The following TRIP12 variants were observed in gnomAD, a reference collection of about 807,000 sequenced individuals.
TRIP12 encodes the protein thyroid hormone receptor interactor 12.
In TRIP12, 25 loss-of-function variants were observed where a neutral mutation model predicts 244.2. That is an observed-to-expected ratio of 0.10 (90% CI 0.07 to 0.14). The LOEUF (loss-of-function observed/expected upper bound fraction) is 0.14, where lower values mean the gene tolerates loss of function less well. Among genes scored for constraint, TRIP12 ranks in the 10% least tolerant of loss-of-function variants. TRIP12 has a pLI of 1.00. For synonymous variants in TRIP12, 905 were observed against 873.1 expected (o/e 1.04, Z -0.64); for missense variants, 1,677 against 2,486.4 (o/e 0.67, Z 6.92).
At chr2:229,827,944 T>C (rs1005677384) in intron 8 of TRIP12, among the ~76,000 whole-genome samples, 5 of 152,208 alleles carry the variant, frequency 3.3e-5, no homozygotes, top group African/African-American at 9.7e-5. Flanking sequence ...TGGACTCCCC[T>C]GGCTCTAAAT....
chr2:229,777,328 T>C lies in TRIP12; in HGVS notation c.5516A>G (p.Gln1839Arg). The C allele has an allele frequency of 3.1e-6, 5 of 1,612,950 alleles. No individual in the cohort carries two copies. The highest frequency in any genetic ancestry group is 4.2e-6 in the Non-Finnish European group (5 of 1,179,142). Residue 1839 changes from glutamine (Q) to arginine (R), a missense_variant, in exon 37 of 42, where the codon CAA (glutamine) becomes CGA (arginine). Physicochemically the swap from Gln to Arg is conservative, Grantham distance 43. Transcript: ENST00000675903. The stretch of plus-strand genomic sequence containing the variant: ...TTCTAAGCCTACCTGGGATTTATCT[T>C]GTTCAAGTCTTTTCTTCTGTCTGAC... ...DIVRQKKRLEQDKSQTKESLQ... is the reference protein window; with the variant it reads ...DIVRQKKRLERDKSQTKESLQ...
chr2:229,869,836 G>T (rs1022524362), intron 2 of TRIP12, among the ~76,000 whole-genome samples: 2 of 152,122 alleles, frequency 1.3e-5, no homozygotes, highest in Admixed American at 1.3e-4. Context: ...AACTACTAAC[G>T]AATTTAAACT....
At position 229,879,028 on chromosome 2, in the gene TRIP12, G is replaced by A. The variant is rs965687265; in HGVS notation, c.98+954C>T. Among the ~76,000 whole-genome samples, 15 of 152,232 alleles carry A rather than the reference G, an allele frequency of 9.9e-5. No individual in the cohort carries two copies. In the South Asian group the frequency reaches 3.1e-3, roughly 32 times the overall value. ...AGCACTTTGGGAGGCCGAGGCGGGTGAATCGCTTGAGGTCAGGAGTTTGAG... is the reference window on the plus strand; with the variant it reads ...AGCACTTTGGGAGGCCGAGGCGGGTAAATCGCTTGAGGTCAGGAGTTTGAG... On this transcript the variant is annotated intron_variant, in intron 2 of 41. Transcript: ENST00000675903.
intron 21 of TRIP12, 127 bp from the exon 22 acceptor site, chr2:229,799,510 C>G: frequency 1.3e-6 from 1 of 786,564 alleles, no homozygotes; most frequent in Non-Finnish European, 2.1e-6. Flanking sequence ...GGCGCGGTGG[C>G]TCACGCCTGT....
chr2:229,774,931 C>T (rs1218473696), intron 37 of TRIP12, among the ~76,000 whole-genome samples: 1 of 151,722 alleles, frequency 6.6e-6, no homozygotes, highest in Non-Finnish European at 1.5e-5. Flanking sequence ...TAAAAAATGT[C>T]TAAGATTATG....
chr2:229,881,337 C>T (rs1209018307), intron 1 of TRIP12, among the ~76,000 whole-genome samples: 1 of 152,162 alleles, frequency 6.6e-6, no homozygotes, highest in Non-Finnish European at 1.5e-5. Context: ...CAAATAAAAT[C>T]TTGCACTATT....
intron 1 of TRIP12, among the ~76,000 whole-genome samples, chr2:229,919,287 G>A (rs369258948): frequency 6.6e-6 from 1 of 152,106 alleles, no homozygotes; most frequent in East Asian, 1.9e-4. Context: ...GTGGTGGCGC[G>A]TGCCTGTAAT....
intron 1 of TRIP12, among the ~76,000 whole-genome samples, chr2:229,914,488 G>C (rs1037754980): frequency 2.0e-5 from 3 of 152,184 alleles, no homozygotes; most frequent in Non-Finnish European, 4.4e-5. Flanking sequence ...TGATCTCTAT[G>C]AACCTGCTCT....
At chr2:229,836,690 C>A (rs148160241) in intron 6 of TRIP12, among the ~76,000 whole-genome samples, 158 bp downstream of exon 6, 1 of 152,252 alleles carries the variant, frequency 6.6e-6, no homozygotes, top group African/African-American at 2.4e-5. Flanking sequence ...TTTAAAATGG[C>A]AACCAAATCC....
intron 37 of TRIP12, 108 bp from the exon 38 acceptor site, chr2:229,774,369 A>C: frequency 1.7e-6 from 2 of 1,159,860 alleles, no homozygotes; most frequent in Middle Eastern, 2.7e-4. Flanking sequence ...AATAAAGCTG[A>C]TGGGTTCAAC....
rs771031325 is a variant in TRIP12, at chr2:229,829,262, G to C, written c.1381C>G (p.Pro461Ala). 19 of 1,613,658 alleles carry C rather than the reference G, an allele frequency of 1.2e-5. No homozygotes were observed. The Admixed American group carries it at 3.0e-4, about 25-fold the overall frequency. ...GGACCAAGAGGACCAAATAGGTGAGGGGGAAGACCCCTTGCCTCTAACAAA... is the reference window on the plus strand; with the variant it reads ...GGACCAAGAGGACCAAATAGGTGAGCGGGAAGACCCCTTGCCTCTAACAAA... ...QALLEARGLP[P>A]HLFGPLGPRM... Residue 461 changes from proline to alanine, a missense_variant, in exon 8 of 42, where the codon CCT becomes GCT. By Grantham distance (27) the Pro-to-Ala change is conservative. Coordinates refer to ENST00000675903, the MANE Select transcript of TRIP12 (RefSeq NM_001348323.3).
At chr2:229,796,294 C>T (rs1559462999) in intron 25 of TRIP12, among the ~76,000 whole-genome samples, 1 of 152,124 alleles carries the variant, frequency 6.6e-6, no homozygotes. Context: ...ACAAATATTG[C>T]AAGTAAAATA....
intron 1 of TRIP12, among the ~76,000 whole-genome samples, chr2:229,894,960 T>C (rs945881195): frequency 2.0e-5 from 3 of 152,194 alleles, no homozygotes; most frequent in Non-Finnish European, 4.4e-5. Context: ...GAAAGGCACC[T>C]TTAGGCCTCG....
At chr2:229,769,153 G>T in intron 40 of TRIP12, 78 bp downstream of exon 40, 1 of 1,240,526 alleles carries the variant, frequency 8.1e-7, no homozygotes, top group African/African-American at 1.5e-5. Flanking sequence ...TTACACATGT[G>T]CGCATGTGTG....
At chr2:229,871,443 A>G (rs569755136) in intron 2 of TRIP12, among the ~76,000 whole-genome samples, 5 of 152,294 alleles carry the variant, frequency 3.3e-5, no homozygotes, top group African/African-American at 7.2e-5. Flanking sequence ...CTTAATGCCA[A>G]TGCCCTTGGG....
At position 229,774,263 on chromosome 2, in the gene TRIP12, T is replaced by TA. The variant is rs771895201; in HGVS notation, c.5530-3dup. The TA allele has an allele frequency of 5.0e-6, 8 of 1,598,816 alleles. No homozygotes were observed. Among genetic ancestry groups the TA allele is most frequent in the East Asian group, 4.5e-5 (2 of 44,750 alleles). ...TGCATACTGTAGACTCTCTTTGGTC[T>TA]AAAAAACACAAATGGGGGAGAAATG... is the stretch of plus-strand genomic sequence containing the variant. On this transcript the variant is annotated splice_polypyrimidine_tract_variant and splice_region_variant and intron_variant, in intron 37 of 41. Transcript: ENST00000675903.
At chr2:229,901,664 C>T (rs1404579009) in intron 1 of TRIP12, among the ~76,000 whole-genome samples, 2 of 151,708 alleles carry the variant, frequency 1.3e-5, no homozygotes, top group African/African-American at 2.4e-5. Context: ...TTACTGTTAC[C>T]CTACTTCAGA....
chr2:229,857,487 G>C (rs1179934371), intron 4 of TRIP12, among the ~76,000 whole-genome samples: 1 of 151,984 alleles, frequency 6.6e-6, no homozygotes, highest in East Asian at 1.9e-4. Flanking sequence ...AAATTAGCTG[G>C]GTGTGATGGC....
intron 4 of TRIP12, among the ~76,000 whole-genome samples, chr2:229,855,834 G>C (rs1416431624): frequency 6.6e-6 from 1 of 152,056 alleles, no homozygotes; most frequent in African/African-American, 2.4e-5. Context: ...CTGAAGTCGG[G>C]AGTTCGAGAC....
Sources: allele counts gnomAD v4.1 joint callset (sites outside exome capture counted in the v4.1 genomes callset), GRCh38; gene constraint gnomAD v4.1.1; transcripts MANE v1.5; gene names NCBI Gene and HGNC (gene_info 2026-07-23, HGNC 2026-07-21).